AP3B1: variants seen among roughly 807,000 people sequenced by gnomAD.
AP3B1 encodes the protein AP-3 complex subunit beta-1.
Under a neutral mutation model 132.5 loss-of-function variants are expected in AP3B1, and 61 were observed. The ratio of observed to expected loss-of-function variants is 0.46; its 90% CI spans 0.37 to 0.57. The LOEUF (loss-of-function observed/expected upper bound fraction) is 0.57. AP3B1 is among the 20% of genes least tolerant of loss of function. The pLI is 0.00. For missense variants in AP3B1, 1,120 were observed against 1,289.4 expected (o/e 0.87, Z 2.01); for synonymous variants, 388 against 438.3 (o/e 0.89, Z 1.43).
chr5:78,050,533 G>T (rs754641931), intron 22 of AP3B1, among the ~76,000 whole-genome samples: 9 of 150,580 alleles, frequency 6.0e-5, no homozygotes, highest in Non-Finnish European at 1.3e-4. Context: ...GTGGTGATAT[G>T]TGGAGATCTT....
At chr5:78,129,328 A>G in intron 15 of AP3B1, 21 bp from the exon 16 acceptor site, 1 of 1,558,378 alleles carries the variant, frequency 6.4e-7, no homozygotes, top group South Asian at 1.1e-5. Context: ...AAAACAGATC[A>G]AGATGAGAAT....
intron 24 of AP3B1, among the ~76,000 whole-genome samples, chr5:78,024,652 C>T (rs937416081): frequency 1.3e-5 from 2 of 151,140 alleles, no homozygotes; most frequent in Non-Finnish European, 2.9e-5. Flanking sequence ...GCAACCTCCA[C>T]CTCTTGGGTT....
chr5:78,129,052 T>A, intron 16 of AP3B1, 69 bp downstream of exon 16: 1 of 1,338,626 alleles, frequency 7.5e-7, no homozygotes. Flanking sequence ...TTTAAGCACA[T>A]TAGAAATGGC....
rs1750414757 is a variant in AP3B1 at position 78,089,414 on chromosome 5, T to C, written c.2556A>G (p.Ser852=). 2 of 1,612,232 alleles carry C rather than the reference T, an allele frequency of 1.2e-6. No homozygotes were observed. The highest frequency in any genetic ancestry group is 2.7e-5 in the African/African-American group (2 of 74,972). Residue 852 remains serine, a synonymous_variant, in exon 22 of 27, where the codon TCA becomes TCG. Transcript: ENST00000255194. ...TTACACTGATGACTGAAGAGGAAGT[T>C]GACAAGTGTAAACCTTCAAGATCAG... ...LMADLEGLHL[S]TSSSVISVST...
At position 78,029,621 on chromosome 5, in the gene AP3B1, T is replaced by C. The variant is rs146084065; in HGVS notation, c.2894+4740A>G. On this transcript the variant is annotated intron_variant, in intron 24 of 26. Coordinates refer to ENST00000255194, the MANE Select transcript of AP3B1 (RefSeq NM_003664.5). ...TTTATATTTGCCATGCTTTTTCCTC[T>C]TCCTCTTGGTTAAACTGACCAAGTT... is the stretch of plus-strand genomic sequence containing the variant. 2.8e-4 allele frequency among the ~76,000 whole-genome samples: 42 copies of C among 152,344 alleles called. 1 individual carries two copies. In the East Asian group the frequency reaches 7.9e-3, roughly 29 times the overall value.
At chr5:78,242,714 G>T (rs1323221772) in intron 2 of AP3B1, among the ~76,000 whole-genome samples, 2 of 151,974 alleles carry the variant, frequency 1.3e-5, no homozygotes, top group Non-Finnish European at 2.9e-5. Context: ...GCCTCCTCTA[G>T]AATATTTTAA....
At chr5:78,132,818 G>A (rs1384654720) in intron 15 of AP3B1, among the ~76,000 whole-genome samples, 2 of 152,140 alleles carry the variant, frequency 1.3e-5, no homozygotes, top group Admixed American at 6.5e-5. Flanking sequence ...TGCATGTTAA[G>A]TACTAAGTGG....
intron 1 of AP3B1, among the ~76,000 whole-genome samples, chr5:78,282,014 T>A (rs977500279): frequency 6.6e-6 from 1 of 152,172 alleles, no homozygotes; most frequent in African/African-American, 2.4e-5. Context: ...ACTCCATGTC[T>A]CCCTGCAATA....
At chr5:78,119,004 T>A (rs143124128) in intron 17 of AP3B1, among the ~76,000 whole-genome samples, 3 of 152,086 alleles carry the variant, frequency 2.0e-5, no homozygotes, top group Non-Finnish European at 4.4e-5. Context: ...GGCAGCAGCA[T>A]TTGCAGTTCA....
At chr5:78,279,778 A>G (rs1001430216) in intron 1 of AP3B1, among the ~76,000 whole-genome samples, 4 of 147,580 alleles carry the variant, frequency 2.7e-5, no homozygotes, top group Admixed American at 6.8e-5. Flanking sequence ...AACATATTAT[A>G]TAAAATTTAT....
intron 15 of AP3B1, among the ~76,000 whole-genome samples, chr5:78,134,745 G>A (rs556802827): frequency 6.6e-6 from 1 of 152,228 alleles, no homozygotes; most frequent in South Asian, 2.1e-4. Context: ...GTTTAACCAC[G>A]TTGGTCAGGC....
chr5:78,096,222 G>A (rs185214), intron 21 of AP3B1, among the ~76,000 whole-genome samples: 26,205 of 152,166 alleles, frequency 0.17, 2,881 homozygotes, highest in Admixed American at 0.28. Flanking sequence ...TGTGTTGGCC[G>A]GGCTGATCTC....
intron 15 of AP3B1, among the ~76,000 whole-genome samples, chr5:78,137,309 T>C (rs780195983): frequency 2.6e-4 from 40 of 152,242 alleles, no homozygotes; most frequent in Admixed American, 7.8e-4. Flanking sequence ...TTCCTAGCTG[T>C]GTTTCTCTGA....
chr5:78,118,681 C>T (rs1311270899), intron 17 of AP3B1, among the ~76,000 whole-genome samples: 1 of 151,746 alleles, frequency 6.6e-6, no homozygotes, highest in African/African-American at 2.4e-5. Flanking sequence ...CCAGGAAGCT[C>T]GAACTGGATG....
chr5:78,263,896 C>A (rs1484190342), intron 2 of AP3B1, among the ~76,000 whole-genome samples: 1 of 152,132 alleles, frequency 6.6e-6, no homozygotes, highest in Non-Finnish European at 1.5e-5. Context: ...AATACTGTAT[C>A]TTTACTGTAA....
chr5:78,234,675 G>A (rs1000529359), intron 3 of AP3B1, among the ~76,000 whole-genome samples: 1 of 152,142 alleles, frequency 6.6e-6, no homozygotes, highest in African/African-American at 2.4e-5. Flanking sequence ...AGGCTATTTA[G>A]TACAACAACC....
At chr5:78,265,092 A>C (rs1748262291) in intron 2 of AP3B1, among the ~76,000 whole-genome samples, 1 of 152,232 alleles carries the variant, frequency 6.6e-6, no homozygotes, top group South Asian at 2.1e-4. Flanking sequence ...AAGTGAAAAA[A>C]TAATAAAAAT....
intron 7 of AP3B1, among the ~76,000 whole-genome samples, chr5:78,205,749 A>G (rs1745478054): frequency 6.6e-6 from 1 of 152,200 alleles, no homozygotes; most frequent in Admixed American, 6.5e-5. Flanking sequence ...GTGCTTACAT[A>G]CAGCATACTA....
chr5:78,152,961 C>T (rs1189756097), intron 14 of AP3B1, among the ~76,000 whole-genome samples: 1 of 152,122 alleles, frequency 6.6e-6, no homozygotes, highest in Non-Finnish European at 1.5e-5. Context: ...CTAACATATG[C>T]TCTATCCTTA....
Sources: gnomAD v4.1 joint callset for allele counts (sites outside exome capture counted in the v4.1 genomes callset) on GRCh38, gnomAD v4.1.1 for gene constraint, MANE v1.5 for transcripts, NCBI Gene and HGNC (gene_info 2026-07-23, HGNC 2026-07-21) for gene names.